The following DNAH17 variants were observed in gnomAD, a reference collection of about 807,000 sequenced individuals.
DNAH17 encodes the protein dynein axonemal heavy chain 17.
Under a neutral mutation model 485.6 loss-of-function variants are expected in DNAH17, and 376 were observed. The observed-to-expected ratio is 0.77, with a 90% confidence interval of 0.71 to 0.84. The LOEUF (loss-of-function observed/expected upper bound fraction) is 0.84. Among genes scored for constraint, DNAH17 ranks in the 40% least tolerant of loss-of-function variants. The pLI is 0.00. For missense variants in DNAH17, 6,370 were observed against 5,839.3 expected, an observed-to-expected ratio of 1.09 and a Z score of -2.96; for synonymous variants, 3,031 against 2,405.9, an observed-to-expected ratio of 1.26 and a Z score of -7.60.
chr17:78,491,170 T>C (rs892774381), intron 43 of DNAH17, among the ~76,000 whole-genome samples: 4 of 152,278 alleles, frequency 2.6e-5, no homozygotes, highest in South Asian at 2.1e-4. Flanking sequence ...AAATGGCTTC[T>C]AGACAATTCT....
intron 55 of DNAH17, among the ~76,000 whole-genome samples, chr17:78,468,174 AAAAAAT>A (rs934691039): frequency 2.6e-5 from 4 of 152,006 alleles, no homozygotes; most frequent in African/African-American, 7.2e-5. Context: ...AAAAAATAAT[AAAAAAT>A]AATACAAATA....
rs767422089 is a variant in DNAH17, at chr17:78,466,703, C to T, written c.8892G>A (p.Ala2964=). 2.1e-5 allele frequency: 34 copies of T among 1,612,420 alleles called. No individual in the cohort carries two copies. Among genetic ancestry groups the T allele is most frequent in the South Asian group, 7.7e-5 (7 of 90,916 alleles). Residue 2964 remains alanine, a synonymous_variant, in exon 56 of 81, where the codon GCG becomes GCA. Coordinates refer to ENST00000389840, the MANE Select transcript of DNAH17 (RefSeq NM_173628.4). ...IDWFHEWPED[A]LVSVSARFLE... ...GGAAGCGGGCGCTGACGGACACCAG[C>T]GCATCTTCCGGCCACTCGTGGAACC...
At chr17:78,472,271 T>C (rs1047437521) in intron 54 of DNAH17, among the ~76,000 whole-genome samples, 11 of 131,792 alleles carry the variant, frequency 8.3e-5, no homozygotes, top group African/African-American at 3.2e-4. Context: ...GGTTAGGGAG[T>C]AGGGGTGCGA....
chr17:78,471,339 C>T (rs1284690216), intron 54 of DNAH17, among the ~76,000 whole-genome samples: 1 of 152,184 alleles, frequency 6.6e-6, no homozygotes, highest in Non-Finnish European at 1.5e-5. Context: ...AGGTGGGCAG[C>T]AGGTGGGCCG....
chr17:78,550,994 G>A (rs765832749), intron 16 of DNAH17, among the ~76,000 whole-genome samples: 84 of 152,242 alleles, frequency 5.5e-4, no homozygotes, highest in Middle Eastern at 3.4e-3. Flanking sequence ...TGAGACAGGC[G>A]GATCATTTGA....
intron 56 of DNAH17, among the ~76,000 whole-genome samples, chr17:78,464,829 G>A (rs1473879373): frequency 6.6e-6 from 1 of 152,174 alleles, no homozygotes; most frequent in Non-Finnish European, 1.5e-5. Flanking sequence ...AGGATTGCAG[G>A]ACAATGAAAC....
At chr17:78,444,907 G>A (rs532022496) in intron 70 of DNAH17, 110 bp from the exon 71 acceptor site, 23 of 1,136,380 alleles carry the variant, frequency 2.0e-5, no homozygotes, top group African/African-American at 3.2e-5. Flanking sequence ...CGAGGAAACC[G>A]GGGCTCTGGG....
At chr17:78,514,096 G>A (rs2090711013) in intron 26 of DNAH17, among the ~76,000 whole-genome samples, 1 of 152,150 alleles carries the variant, frequency 6.6e-6, no homozygotes, top group Non-Finnish European at 1.5e-5. Flanking sequence ...CCCTAGCGAA[G>A]CTGTTCATTT....
In DNAH17 at chr17:78,490,728, G is replaced by A. The variant is rs766690245; in HGVS notation, c.6789C>T (p.Tyr2263=). ...TCCATCCCAGGTCGGCTGGGTTGAT[G>A]TAGAGGATGCCGGCTCTGGAAACGG... ...PATVSRAGIL[Y]INPADLGWNP... Residue 2263 remains tyrosine, a synonymous_variant, in exon 44 of 81, where the codon TAC becomes TAT. Transcript: ENST00000389840. 8 of 1,608,262 alleles carry A rather than the reference G, an allele frequency of 5.0e-6. No individual in the cohort carries two copies. Among genetic ancestry groups the A allele is most frequent in the South Asian group, 1.1e-5 (1 of 89,800 alleles).
intron 22 of DNAH17, among the ~76,000 whole-genome samples, chr17:78,527,529 G>A (rs1434375276): frequency 6.6e-6 from 1 of 152,120 alleles, no homozygotes; most frequent in African/African-American, 2.4e-5. Flanking sequence ...GTGTGGGTGT[G>A]GTCTCCCATG....
At chr17:78,438,438 A>AGGAGGAGGAGGAGGGAGGAGGAGGAG (rs2086932448) in intron 73 of DNAH17, among the ~76,000 whole-genome samples, 3 of 75,036 alleles carry the variant, frequency 4.0e-5, no homozygotes, top group Non-Finnish European at 5.0e-5. Flanking sequence ...GAGGAGGAGG[A>AGGAGGAGGAGGAGGGAGGAGGAGGAG]GGAGGAGGGA....
At chr17:78,564,455 G>C (rs2092226334) in intron 11 of DNAH17, among the ~76,000 whole-genome samples, 1 of 152,112 alleles carries the variant, frequency 6.6e-6, no homozygotes. Context: ...AGCCACAGAA[G>C]CCAGCTGCCC....
intron 34 of DNAH17, 34 bp from the exon 35 acceptor site, chr17:78,501,378 G>A (rs756691488): frequency 2.6e-6 from 4 of 1,565,254 alleles, no homozygotes; most frequent in Non-Finnish European, 2.6e-6. Flanking sequence ...GTTGCCAGGT[G>A]GAATACAAGA....
intron 26 of DNAH17, among the ~76,000 whole-genome samples, chr17:78,512,940 C>CAAAAAAAAAAAAAAAAAAAAAAAA (rs57734613): frequency 1.2e-5 from 1 of 83,304 alleles, no homozygotes; most frequent in Non-Finnish European, 2.2e-5. Context: ...GACTCTAACT[C>CAAAAAAAAAAAAAAAAAAAAAAAA]AAAAAAAAAA....
At chr17:78,493,593 C>T (rs953433462) in intron 41 of DNAH17, among the ~76,000 whole-genome samples, 7 of 152,250 alleles carry the variant, frequency 4.6e-5, no homozygotes, top group African/African-American at 9.6e-5. Context: ...CAAACAATAG[C>T]AGAAGGGTCC....
chr17:78,435,145 C>G (rs2086815113), intron 74 of DNAH17, among the ~76,000 whole-genome samples: 1 of 152,116 alleles, frequency 6.6e-6, no homozygotes, highest in African/African-American at 2.4e-5. Context: ...CAGTCCCTTT[C>G]AGACCTCAGC....
intron 1 of DNAH17, 53 bp from the exon 2 acceptor site, chr17:78,575,135 C>A (rs2092415506): frequency 3.4e-6 from 4 of 1,164,960 alleles, no homozygotes; most frequent in Non-Finnish European, 4.8e-6. Context: ...TCCCCAATTT[C>A]CCACCCATCC....
intron 71 of DNAH17, 24 bp downstream of exon 71, chr17:78,444,579 GC>G (rs1369675516): frequency 9.8e-6 from 15 of 1,529,494 alleles, no homozygotes; most frequent in Admixed American, 8.8e-5. Context: ...CGGGGGCGGG[GC>G]CCCCGGCGCG....
intron 58 of DNAH17, among the ~76,000 whole-genome samples, chr17:78,460,591 CCT>C (rs990349126): frequency 2.6e-5 from 4 of 152,160 alleles, no homozygotes; most frequent in African/African-American, 4.8e-5. Flanking sequence ...GTGCTTGGCC[CCT>C]GTCTGGAGCC....
Sources: allele counts gnomAD v4.1 joint callset (sites outside exome capture counted in the v4.1 genomes callset), GRCh38; gene constraint gnomAD v4.1.1; transcripts MANE v1.5; gene names NCBI Gene and HGNC (gene_info 2026-07-23, HGNC 2026-07-21).